The following SPRED2 variants were observed in gnomAD, a reference collection of about 807,000 sequenced individuals.
The protein encoded by SPRED2 is sprouty related EVH1 domain containing 2.
Under a neutral mutation model 43.0 loss-of-function variants are expected in SPRED2, and 47 were observed. That is an observed-to-expected ratio of 1.09 (90% CI 0.87 to 1.40). The LOEUF (loss-of-function observed/expected upper bound fraction) is 1.40. SPRED2 is among the 40% of genes most tolerant of loss of function. The pLI is 0.00. For synonymous variants in SPRED2, 225 were observed against 225.7 expected, an observed-to-expected ratio of 1.00 and a Z score of 0.03; for missense variants, 561 against 586.4, an observed-to-expected ratio of 0.96 and a Z score of 0.45.
intron 1 of SPRED2, among the ~76,000 whole-genome samples, chr2:65,354,667 A>G (rs1326654875): frequency 1.3e-5 from 2 of 151,916 alleles, no homozygotes; most frequent in Non-Finnish European, 2.9e-5. Flanking sequence ...AAATCTTTTC[A>G]GCATTTTAAT....
At chr2:65,335,048 T>C (rs1042689118) in intron 2 of SPRED2, among the ~76,000 whole-genome samples, 1 of 152,246 alleles carries the variant, frequency 6.6e-6, no homozygotes, top group African/African-American at 2.4e-5. Flanking sequence ...GGGCACTAAG[T>C]TGATGCTCAG....
intron 1 of SPRED2, among the ~76,000 whole-genome samples, chr2:65,421,049 T>C (rs573852883): frequency 6.6e-6 from 1 of 152,358 alleles, no homozygotes; most frequent in South Asian, 2.1e-4. Context: ...ATGACTGATT[T>C]GTCTGACAGT....
intron 1 of SPRED2, among the ~76,000 whole-genome samples, chr2:65,350,066 C>T (rs192761221): frequency 6.6e-6 from 1 of 152,322 alleles, no homozygotes; most frequent in Admixed American, 6.5e-5. Context: ...GTTACTCAGG[C>T]ACTTCACCCC....
intron 2 of SPRED2, among the ~76,000 whole-genome samples, chr2:65,337,301 C>T (rs1673994002): frequency 6.6e-6 from 1 of 151,862 alleles, no homozygotes; most frequent in Non-Finnish European, 1.5e-5. Context: ...AGTTTTGGCA[C>T]GCACACAATT....
At chr2:65,321,649 C>A (rs544846548) in intron 4 of SPRED2, among the ~76,000 whole-genome samples, 12 of 151,990 alleles carry the variant, frequency 7.9e-5, no homozygotes, top group African/African-American at 2.9e-4. Flanking sequence ...TTGAATCATT[C>A]TCTGCTAATT....
At chr2:65,394,741 G>A (rs1241848004) in intron 1 of SPRED2, among the ~76,000 whole-genome samples, 2 of 152,024 alleles carry the variant, frequency 1.3e-5, no homozygotes, top group Non-Finnish European at 2.9e-5. Context: ...CTATTTCCCG[G>A]GACACTGAAG....
In SPRED2 at chr2:65,334,521, A is replaced by G. The variant is rs545850734; in HGVS notation, c.373+84T>C. ...AAACCCTCCCGCAAATAAACCACAA[A>G]TAAATGATGGCAGACTATTGGAATT... On this transcript the variant is annotated intron_variant, in intron 3 of 5. Coordinates refer to ENST00000356388, the MANE Select transcript of SPRED2 (RefSeq NM_181784.3). 2.2e-5 allele frequency: 33 copies of G among 1,533,602 alleles called. 1 individual carries two copies. Among genetic ancestry groups the G allele is most frequent in the African/African-American group, 1.6e-4 (12 of 72,906 alleles). 95.0% of individuals were successfully genotyped at this position (1,533,602 alleles called of 1,614,324 possible). A position where few individuals can be genotyped will look rare whatever the true frequency, so the allele number is the denominator to read the frequency against.
At chr2:65,353,283 T>G (rs1674561584) in intron 1 of SPRED2, among the ~76,000 whole-genome samples, 1 of 152,100 alleles carries the variant, frequency 6.6e-6, no homozygotes, top group Non-Finnish European at 1.5e-5. Context: ...AAGAGGGAGG[T>G]AAGGGGCATG....
intron 1 of SPRED2, among the ~76,000 whole-genome samples, chr2:65,408,861 G>A (rs1014061234): frequency 2.6e-5 from 4 of 152,154 alleles, no homozygotes; most frequent in Admixed American, 1.3e-4. Context: ...TTACAAGCGT[G>A]AGCCACTGCA....
At chr2:65,395,840 A>G (rs6752083) in intron 1 of SPRED2, among the ~76,000 whole-genome samples, 2,916 of 152,162 alleles carry the variant, frequency 0.019, 91 homozygotes, top group African/African-American at 0.065. Flanking sequence ...AAAACCTTCA[A>G]TTGCTCCCTG....
intron 1 of SPRED2, among the ~76,000 whole-genome samples, chr2:65,345,459 A>C (rs1421044501): frequency 1.3e-5 from 2 of 151,816 alleles, no homozygotes; most frequent in African/African-American, 4.8e-5. Flanking sequence ...ATGGGGTTTC[A>C]CCATGTTGGC....
chr2:65,316,817 G>A lies in SPRED2; in HGVS notation c.505C>T (p.Pro169Ser), dbSNP rs764992408. ...ATCCTCCGGTGCTCACAGGATGTGG[G>A]AGAGGAGATTGTCCGAGTAGGTTGC... ...REQPTRTISS[P>S]TSCEHRRIYT... The change falls in exon 5 of 6, where the codon CCC becomes TCC. Residue 169 changes from proline to serine, a missense_variant. Physicochemically the swap from Pro to Ser is moderately conservative, Grantham distance 74 (BLOSUM62 -1). Transcript: ENST00000356388. The A allele has an allele frequency of 6.8e-6, 11 of 1,613,882 alleles. No homozygotes were observed. The highest frequency in any genetic ancestry group is 8.5e-6 in the Non-Finnish European group (10 of 1,179,944).
chr2:65,341,059 G>A (rs1050324375), intron 2 of SPRED2, among the ~76,000 whole-genome samples: 1 of 146,896 alleles, frequency 6.8e-6, no homozygotes, highest in Non-Finnish European at 1.5e-5. Context: ...GGGTGGTGGG[G>A]GGGAGGGCAG....
At chr2:65,379,069 G>A (rs549667145) in intron 1 of SPRED2, among the ~76,000 whole-genome samples, 23 of 152,140 alleles carry the variant, frequency 1.5e-4, no homozygotes, top group Middle Eastern at 3.4e-3. Context: ...CTACATTACC[G>A]GTGCAATCAA....
At chr2:65,310,320 C>T (rs1003289801), downstream of SPRED2, among the ~76,000 whole-genome samples, 1 of 152,034 alleles carries the variant, frequency 6.6e-6, no homozygotes, top group African/African-American at 2.4e-5. Context: ...TTATTTCCTC[C>T]TGGGGATTGT....
chr2:65,391,575 T>C (rs576993706), intron 1 of SPRED2, among the ~76,000 whole-genome samples: 56 of 152,250 alleles, frequency 3.7e-4, no homozygotes, highest in Non-Finnish European at 6.8e-4. Context: ...CAATAGAATG[T>C]TCCAGGTGGC....
At chr2:65,310,216 A>G (rs944115549), downstream of SPRED2, among the ~76,000 whole-genome samples, 10 of 152,110 alleles carry the variant, frequency 6.6e-5, no homozygotes, top group African/African-American at 2.4e-4. Context: ...CGTTAACACT[A>G]AGACGCAAGG....
chr2:65,361,835 C>G (rs1674822931), intron 1 of SPRED2, among the ~76,000 whole-genome samples: 1 of 152,226 alleles, frequency 6.6e-6, no homozygotes, highest in Non-Finnish European at 1.5e-5. Flanking sequence ...TCCCAAGCAG[C>G]CTTTATGACA....
intron 4 of SPRED2, among the ~76,000 whole-genome samples, chr2:65,320,374 G>C (rs979861026): frequency 2.0e-5 from 3 of 152,166 alleles, no homozygotes; most frequent in African/African-American, 7.2e-5. Context: ...TCTGAGAAAT[G>C]AGGCACATCC....
Sources: allele counts gnomAD v4.1 joint callset (sites outside exome capture counted in the v4.1 genomes callset), GRCh38; gene constraint gnomAD v4.1.1; transcripts MANE v1.5; gene names NCBI Gene and HGNC (gene_info 2026-07-23, HGNC 2026-07-21).